The following SLX9 variants were observed in gnomAD, a reference collection of about 807,000 sequenced individuals.
The protein encoded by SLX9 is ribosome biogenesis protein SLX9 homolog.
Under a neutral mutation model 20.8 loss-of-function variants are expected in SLX9, and 19 were observed. The observed-to-expected ratio is 0.91, with a 90% CI of 0.64 to 1.34. SLX9 has a LOEUF of 1.34. SLX9 is among the 40% of genes most tolerant of loss of function. The pLI is 0.00. For synonymous variants in SLX9, 113 were observed against 137.1 expected (o/e 0.82, Z 1.23); for missense variants, 299 against 322.2 (o/e 0.93, Z 0.55).
At chr21:44,943,886 AT>A in intron 2 of SLX9, 49 bp downstream of exon 2, 1 of 1,611,224 alleles carries the variant, frequency 6.2e-7, no homozygotes, top group Non-Finnish European at 8.5e-7. Flanking sequence ...CAGGTCTGGG[AT>A]TGTTCCCTCA....
In SLX9 at chr21:44,976,665, T is replaced by A; in HGVS notation, c.570-15T>A. The A allele has an allele frequency of 1.3e-6, 2 of 1,578,060 alleles. No homozygotes were observed. The highest frequency in any genetic ancestry group is 2.3e-5 in the South Asian group (2 of 86,708). ...GGGGTTCCTGCCTGCTGATCTGTGG[T>A]CTCCATTCTTTCAGCGAGGAAGAAA... On this transcript the variant is annotated splice_polypyrimidine_tract_variant and intron_variant, in intron 5 of 5. Coordinates refer to ENST00000291634, the MANE Select transcript of SLX9 (RefSeq NM_058190.4).
intron 1 of SLX9, among the ~76,000 whole-genome samples, chr21:44,943,431 A>G (rs943999895): frequency 6.6e-6 from 1 of 152,220 alleles, no homozygotes; most frequent in African/African-American, 2.4e-5. Context: ...CTGAAGAACC[A>G]GGAGTGAAGC....
intron 1 of SLX9, among the ~76,000 whole-genome samples, chr21:44,940,417 G>C (rs2146597787): frequency 6.6e-6 from 1 of 152,380 alleles, no homozygotes; most frequent in East Asian, 1.9e-4. Flanking sequence ...GGGGAGGGGA[G>C]AGAGCCAGGA....
intron 5 of SLX9, 62 bp from the exon 6 acceptor site, chr21:44,976,618 T>A: frequency 1.3e-6 from 2 of 1,538,010 alleles, no homozygotes; most frequent in Non-Finnish European, 1.8e-6. Context: ...CGTTTCCGGG[T>A]GTTGAGGGGC....
rs371205399 is a variant in SLX9, at chr21:44,959,658, C to T, written c.284-442C>T. On this transcript the variant is annotated intron_variant, in intron 2 of 5. Coordinates refer to ENST00000291634, the MANE Select transcript of SLX9 (RefSeq NM_058190.4). Reference sequence around the variant, plus strand: ...CGGGCCTGGCAGGGGGCAGGGAGCACGTACGTCGCTGGGCCTGACGTGACC... The same window carrying T: ...CGGGCCTGGCAGGGGGCAGGGAGCATGTACGTCGCTGGGCCTGACGTGACC... Among the ~76,000 whole-genome samples the T allele has an allele frequency of 1.2e-3, 178 of 152,350 alleles. 2 individuals are homozygous for T. Among genetic ancestry groups the T allele is most frequent in the South Asian group, 9.3e-3 (45 of 4,828 alleles).
intron 4 of SLX9, among the ~76,000 whole-genome samples, chr21:44,969,517 T>A (rs949407540): frequency 2.0e-5 from 3 of 151,948 alleles, no homozygotes; most frequent in Non-Finnish European, 4.4e-5. Flanking sequence ...TCGCTGGGAG[T>A]CCCCGTCCCT....
At chr21:44,970,866 A>G (rs1396862030) in intron 4 of SLX9, among the ~76,000 whole-genome samples, 1 of 151,884 alleles carries the variant, frequency 6.6e-6, no homozygotes, top group Non-Finnish European at 1.5e-5. Flanking sequence ...GCCCCTCCCA[A>G]CCCTCAGTCC....
At chr21:44,954,111 G>T in intron 2 of SLX9, among the ~76,000 whole-genome samples, 1 of 152,164 alleles carries the variant, frequency 6.6e-6, no homozygotes, top group East Asian at 1.9e-4. Context: ...GTTCTGGAGG[G>T]TCCTTGTGGG....
intron 2 of SLX9, among the ~76,000 whole-genome samples, chr21:44,959,644 G>A (rs1445749359): frequency 6.6e-6 from 1 of 152,240 alleles, no homozygotes; most frequent in Non-Finnish European, 1.5e-5. Context: ...GGGCCTGGCA[G>A]GGGGCAGGGA....
chr21:44,968,512 C>T (rs375169411), intron 4 of SLX9, among the ~76,000 whole-genome samples: 1 of 152,242 alleles, frequency 6.6e-6, no homozygotes, highest in African/African-American at 2.4e-5. Context: ...GCCTGTGGCG[C>T]CCGTCTCCCA....
At chr21:44,972,936 C>T in intron 4 of SLX9, 2 of 574,210 alleles carry the variant, frequency 3.5e-6, no homozygotes, top group South Asian at 2.1e-5. Context: ...CACGGAGCAG[C>T]TTGGGGCCCG....
chr21:44,970,106 C>T (rs1325213510), intron 4 of SLX9, among the ~76,000 whole-genome samples: 2 of 152,224 alleles, frequency 1.3e-5, no homozygotes, highest in Admixed American at 6.5e-5. Flanking sequence ...GAGACCCCCC[C>T]TCCATGCTGT....
Position 44,961,147 on chromosome 21 carries a change from C to T in SLX9, c.352+979C>T, listed in dbSNP as rs111839262. Among the ~76,000 whole-genome samples the T allele has an allele frequency of 9.8e-3, 1,486 of 152,284 alleles. 33 individuals carry two copies. The highest frequency in any genetic ancestry group is 0.034 in the African/African-American group (1,393 of 41,532). ...GCATAGCTGTGAAAGTGGATTTGGA[C>T]GGGCTACTGGACTGTGGCCATTTGG... On this transcript the variant is annotated intron_variant, in intron 3 of 5. Transcript: ENST00000291634.
At chr21:44,944,502 T>C (rs1170351469) in intron 2 of SLX9, among the ~76,000 whole-genome samples, 1 of 152,126 alleles carries the variant, frequency 6.6e-6, no homozygotes, top group Non-Finnish European at 1.5e-5. Context: ...ATGCTGGGAG[T>C]GTTGACTTTC....
intron 2 of SLX9, among the ~76,000 whole-genome samples, chr21:44,949,320 C>T (rs1208152678): frequency 6.6e-6 from 1 of 152,070 alleles, no homozygotes; most frequent in East Asian, 1.9e-4. Flanking sequence ...GGGCCCTGGG[C>T]CCGGCTGTCA....
chr21:44,969,206 G>A (rs1322456700), intron 4 of SLX9: 1 of 469,942 alleles, frequency 2.1e-6, no homozygotes, highest in Non-Finnish European at 4.4e-6. Context: ...TGCAGGCCCA[G>A]GCAGCTCCAG....
At chr21:44,970,265 C>T (rs1242274519) in intron 4 of SLX9, among the ~76,000 whole-genome samples, 5 of 152,236 alleles carry the variant, frequency 3.3e-5, no homozygotes, top group East Asian at 3.8e-4. Flanking sequence ...GTCGCTCATG[C>T]GCCGGTGTTG....
Position 44,960,106 on chromosome 21 carries a change from A to T in SLX9, c.290A>T (p.Glu97Val). 2 of 1,614,238 alleles carry T rather than the reference A, an allele frequency of 1.2e-6. No homozygotes were observed. Among genetic ancestry groups the T allele is most frequent in the Non-Finnish European group, 1.7e-6 (2 of 1,180,038 alleles). The change falls in exon 3 of 6, where the codon GAG (glutamate) becomes GTG (valine). Residue 97 changes from glutamate (E) to valine (V), a missense_variant. Transcript: ENST00000291634. ...RSVPSIRRGA[E>V]AKTVLPKKEK... ...CCGTGTTCTCTTTCCTCAGGTGCAGAGGCCAAGACCGTTTTGCCCAAGAAG... is the reference window on the plus strand; with the variant it reads ...CCGTGTTCTCTTTCCTCAGGTGCAGTGGCCAAGACCGTTTTGCCCAAGAAG...
intron 2 of SLX9, chr21:44,959,095 G>A (rs1014821157): frequency 2.2e-6 from 1 of 448,238 alleles, no homozygotes; most frequent in Non-Finnish European, 2.9e-6. Flanking sequence ...CTGTGGGAGG[G>A]GATTAAATCC....
Sources: allele counts gnomAD v4.1 joint callset (sites outside exome capture counted in the v4.1 genomes callset), GRCh38; gene constraint gnomAD v4.1.1; transcripts MANE v1.5; gene names NCBI Gene and HGNC (gene_info 2026-07-23, HGNC 2026-07-21).